Variants in BIRC6 observed in about 807,000 individuals in gnomAD.
BIRC6 encodes dual E2 ubiquitin-conjugating enzyme/E3 ubiquitin-protein ligase BIRC6.
BIRC6 carries 98 observed loss-of-function variants against 503.3 expected under a neutral mutation model. The ratio of observed to expected loss-of-function variants is 0.19; its 90% CI spans 0.17 to 0.23. The LOEUF (loss-of-function observed/expected upper bound fraction) is 0.23, where lower values mean the gene tolerates loss of function less well. BIRC6 is among the 10% of genes least tolerant of loss of function. The probability of loss-of-function intolerance (pLI) is 1.00; values close to 1 mark genes in which losing one functional copy is unlikely to be tolerated. For missense variants in BIRC6, 5,360 were observed against 5,806.0 expected (o/e 0.92, Z 2.50); for synonymous variants, 2,240 against 2,078.7 (o/e 1.08, Z -2.11).
In BIRC6 at chr2:32,525,506, C is replaced by G; in HGVS notation, c.11798C>G (p.Pro3933Arg). 3 of 1,613,988 alleles carry G rather than the reference C, an allele frequency of 1.9e-6. No homozygotes were observed. Among genetic ancestry groups the G allele is most frequent in the East Asian group, 2.2e-5 (1 of 44,876 alleles). ...QSKRAVSATP[P>R]RPPSRRGRTI... ...AAACGTGCTGTGTCAGCTACACCAC[C>G]TCGCCCACCATCCAGGAGGGGGAGG... Residue 3933 changes from proline to arginine, a missense_variant, in exon 59 of 74, where the codon CCT becomes CGT. Transcript: ENST00000421745.
chr2:32,461,040 CTCTTCTCTTCTCTTCTCTTCTCTTCTGT>C (rs1313329835), intron 23 of BIRC6, among the ~76,000 whole-genome samples: 3,455 of 79,546 alleles, frequency 0.043, 329 homozygotes, highest in Non-Finnish European at 0.063. Context: ...CTCTTCTCTT[CTCTTCTCTTCTCTTCTCTTCTCTTCTGT>C]TCTCCTCTCC....
In BIRC6 at chr2:32,515,347, C is replaced by G; in HGVS notation, c.10926C>G (p.Phe3642Leu). 6.2e-7 allele frequency: 1 copy of G among 1,613,776 alleles called. No homozygotes were observed. The highest frequency in any genetic ancestry group is 2.2e-5 in the East Asian group (1 of 44,878). The change falls in exon 55 of 74, where the codon TTC (phenylalanine) becomes TTG (leucine). Residue 3642 changes from phenylalanine to leucine, a missense_variant. Around this residue, in one of 16 missense-constraint regions of BIRC6, gnomAD observed 878 missense variants for 928.9 expected, o/e 0.95. Transcript: ENST00000421745. ...TTCTTGTGAGGAGTCTGGCTAGTTT[C>G]TGCTTTAGCCACATTTCTAGCTCAG... ...PSLLVRSLAS[F>L]CFSHISSSES...
intron 53 of BIRC6, 109 bp from the exon 54 acceptor site, chr2:32,512,824 G>A (rs2149659654): frequency 2.6e-6 from 2 of 766,900 alleles, no homozygotes; most frequent in Non-Finnish European, 4.3e-6. Flanking sequence ...AACAATTAGT[G>A]CATTATTCTC....
chr2:32,588,761 G>A (rs187177499), intron 66 of BIRC6, among the ~76,000 whole-genome samples: 3 of 152,264 alleles, frequency 2.0e-5, no homozygotes, highest in Admixed American at 1.3e-4. Context: ...GATTTCTGGC[G>A]TGGATAACAT....
At chr2:32,560,824 C>A (rs926000881) in intron 65 of BIRC6, among the ~76,000 whole-genome samples, 1 of 151,948 alleles carries the variant, frequency 6.6e-6, no homozygotes, top group African/African-American at 2.4e-5. Context: ...TTGTCTCAGC[C>A]TCCTGAGTCA....
chr2:32,452,900 C>T (rs1460638395), intron 22 of BIRC6, among the ~76,000 whole-genome samples: 4 of 151,896 alleles, frequency 2.6e-5, no homozygotes, highest in Admixed American at 6.6e-5. Flanking sequence ...TGTGTCAGGC[C>T]CTATGCTGAC....
At chr2:32,472,644 CA>C (rs2049233541) in intron 32 of BIRC6, among the ~76,000 whole-genome samples, 1 of 151,710 alleles carries the variant, frequency 6.6e-6, no homozygotes, top group Non-Finnish European at 1.5e-5. Context: ...GGAAATATTC[CA>C]AAAAAGGAGA....
chr2:32,552,341 G>C (rs999778721), intron 65 of BIRC6, among the ~76,000 whole-genome samples: 1 of 152,140 alleles, frequency 6.6e-6, no homozygotes, highest in Non-Finnish European at 1.5e-5. Flanking sequence ...AGTTTACTAT[G>C]TAGCTGGTTA....
At chr2:32,522,855 G>T (rs971509870) in intron 57 of BIRC6, 2 of 152,106 alleles carry the variant, frequency 1.3e-5, no homozygotes, top group African/African-American at 4.8e-5. Context: ...TGGAGATCCA[G>T]GGATCTCCAG....
Position 32,450,077 on chromosome 2 carries a change from A to G in BIRC6, c.4618+1149A>G, listed in dbSNP as rs73922727. Reference sequence around the variant, plus strand: ...TCAGTATACCAAAAGAAGCAGTGAAATCTGTTAGGGTGAAAGCGTAAGGGA... The same window carrying G: ...TCAGTATACCAAAAGAAGCAGTGAAGTCTGTTAGGGTGAAAGCGTAAGGGA... On this transcript the variant is annotated intron_variant, in intron 22 of 73. Coordinates refer to ENST00000421745, the MANE Select transcript of BIRC6 (RefSeq NM_016252.4). Among the ~76,000 whole-genome samples, 1,004 of 152,328 alleles carry G rather than the reference A, an allele frequency of 6.6e-3. 11 individuals are homozygous for G. The highest frequency in any genetic ancestry group is 0.023 in the African/African-American group (952 of 41,572).
intron 6 of BIRC6, among the ~76,000 whole-genome samples, chr2:32,399,304 T>G (rs1258952209): frequency 6.6e-6 from 1 of 152,244 alleles, no homozygotes; most frequent in Non-Finnish European, 1.5e-5. Context: ...CAGGCTGGTC[T>G]GGAACTCCTG....
intron 21 of BIRC6, among the ~76,000 whole-genome samples, chr2:32,447,207 C>T (rs1353420430): frequency 4.7e-5 from 7 of 149,104 alleles, no homozygotes; most frequent in African/African-American, 1.2e-4. Context: ...CCACCCTTCC[C>T]GCCTTTCTAT....
At chr2:32,522,715 A>G (rs1286078852) in intron 57 of BIRC6, 1 of 152,112 alleles carries the variant, frequency 6.6e-6, no homozygotes, top group Non-Finnish European at 1.5e-5. Flanking sequence ...AGCACAAAGC[A>G]TTTTATTCCC....
intron 2 of BIRC6, chr2:32,379,448 A>G (rs1215160383): frequency 6.6e-6 from 1 of 152,216 alleles, no homozygotes; most frequent in Admixed American, 6.5e-5. Flanking sequence ...TTTTCCTACT[A>G]CAGTGAAATG....
At chr2:32,394,680 CAG>C (rs990881487) in intron 5 of BIRC6, among the ~76,000 whole-genome samples, 1 of 152,092 alleles carries the variant, frequency 6.6e-6, no homozygotes, top group Non-Finnish European at 1.5e-5. Flanking sequence ...AAAAAAATAA[CAG>C]AATTAGCTGG....
intron 24 of BIRC6, 71 bp from the exon 25 acceptor site, chr2:32,464,438 C>T (rs1338757299): frequency 7.0e-7 from 1 of 1,431,186 alleles, no homozygotes; most frequent in African/African-American, 1.4e-5. Flanking sequence ...TAATATATGT[C>T]CATGTGGTAT....
intron 37 of BIRC6, among the ~76,000 whole-genome samples, chr2:32,480,495 AG>A (rs2149170286): frequency 6.6e-6 from 1 of 152,270 alleles, no homozygotes; most frequent in South Asian, 2.1e-4. Context: ...ATAAGAGGAT[AG>A]GAATGATGGA....
Position 32,543,367 on chromosome 2 carries a change from C to T in BIRC6, c.12418C>T (p.Pro4140Ser). The change falls in exon 62 of 74, where the codon CCT (proline) becomes TCT (serine). Residue 4140 changes from proline (P) to serine (S), a missense_variant. By Grantham distance (74) the Pro-to-Ser change is moderately conservative (BLOSUM62 -1). Around this residue, in one of 16 missense-constraint regions of BIRC6, gnomAD observed 477 missense variants for 574.4 expected, o/e 0.83. Transcript: ENST00000421745. ...YEAPETVAAE[P>S]PPIKSAVQTM... Reference sequence around the variant, plus strand: ...AGCACCAGAAACTGTTGCGGCTGAACCTCCACCTATCAAGTCAGCAGTACA... The same window carrying T: ...AGCACCAGAAACTGTTGCGGCTGAATCTCCACCTATCAAGTCAGCAGTACA... 6.2e-7 allele frequency: 1 copy of T among 1,613,942 alleles called. No homozygotes were observed. The highest frequency in any genetic ancestry group is 8.5e-7 in the Non-Finnish European group (1 of 1,179,884).
chr2:32,453,633 C>T (rs919538745), intron 22 of BIRC6, among the ~76,000 whole-genome samples, 175 bp from the exon 23 acceptor site: 3 of 152,140 alleles, frequency 2.0e-5, no homozygotes, highest in African/African-American at 7.2e-5. Flanking sequence ...CAGGGAAACT[C>T]GTGCCTGCTG....
Sources: gnomAD v4.1 joint callset for allele counts (sites outside exome capture counted in the v4.1 genomes callset) on GRCh38, gnomAD v4.1.1 for gene constraint, gnomAD v4.1.1 regional missense constraint, MANE v1.5 for transcripts, NCBI Gene and HGNC (gene_info 2026-07-23, HGNC 2026-07-21) for gene names.